Variants in TNS2 observed in about 807,000 individuals in gnomAD.
The protein encoded by TNS2 is tensin-2.
Under a neutral mutation model 155.7 loss-of-function variants are expected in TNS2, and 77 were observed. That is an observed-to-expected ratio of 0.49 (90% CI 0.41 to 0.60). The LOEUF (loss-of-function observed/expected upper bound fraction) is 0.60. Among genes scored for constraint, TNS2 ranks in the 20% least tolerant of loss-of-function variants. The probability of loss-of-function intolerance (pLI) is 0.00; values close to 1 mark genes in which losing one functional copy is unlikely to be tolerated. For missense variants in TNS2, 1,703 were observed against 1,868.8 expected, an observed-to-expected ratio of 0.91 and a Z score of 1.64; for synonymous variants, 726 against 763.9, an observed-to-expected ratio of 0.95 and a Z score of 0.82.
Position 53,060,924 on chromosome 12 carries a change from C to T in TNS2, c.3018C>T (p.Pro1006=). The change falls in exon 20 of 29, where the codon CCC becomes CCT. Residue 1006 remains proline, a synonymous_variant. Transcript: ENST00000314250. The surrounding 1 kb of genome is among the most constrained non-coding windows in gnomAD (Gnocchi z 6.1). The stretch of plus-strand genomic sequence containing the variant: ...GCGCCAGTCCTCGGAGCCCTGTGCC[C>T]ACCACACTTCCTGGCCTCCGCCACG... ...SDGASPRSPV[P]TTLPGLRHAP... is the part of the protein sequence containing the mutation. 1.3e-6 allele frequency: 2 copies of T among 1,596,918 alleles called. No homozygotes were observed. The highest frequency in any genetic ancestry group is 1.3e-5 in the African/African-American group (1 of 74,588).
chr12:53,053,942 A>G (rs376230805), intron 5 of TNS2, 23 bp from the exon 6 acceptor site: 45 of 1,614,058 alleles, frequency 2.8e-5, no homozygotes, highest in Non-Finnish European at 3.8e-5. Context: ...AGAGATGTCT[A>G]GACACTGTCT....
At position 53,061,187 on chromosome 12, in the gene TNS2, C is replaced by G. The variant is rs769823126; in HGVS notation, c.3281C>G (p.Ala1094Gly). ...QQPGPWGPEQ[A>G]SSPARGISHH... is the part of the protein sequence containing the mutation. ...CCAGGACCCTGGGGCCCAGAGCAGG[C>G]ATCATCGCCAGCCAGAGGCATCAGT... is the stretch of plus-strand genomic sequence containing the variant. The change falls in exon 20 of 29, where the codon GCA becomes GGA. Residue 1094 changes from alanine (A) to glycine (G), a missense_variant. Coordinates refer to ENST00000314250, the MANE Select transcript of TNS2 (RefSeq NM_170754.4). 6.3e-7 allele frequency: 1 copy of G among 1,589,314 alleles called. No individual in the cohort carries two copies. Among genetic ancestry groups the G allele is most frequent in the South Asian group, 1.1e-5 (1 of 87,020 alleles).
chr12:53,053,790 C>T lies in TNS2; in HGVS notation c.278C>T (p.Pro93Leu), dbSNP rs377103226. ...TCCCTCTAGCGGCGAAACACGGCCC[C>T]AGTCAGGCGCATAGAGCACCTGGTA... ...PPVELRRNTA[P>L]VRRIEHLGST... is the part of the protein sequence containing the mutation. The change falls in exon 5 of 29, where the codon CCA becomes CTA. Residue 93 changes from proline to leucine, a missense_variant. Pro to Leu is a moderately conservative substitution (Grantham distance 98, BLOSUM62 -3). Transcript: ENST00000314250. 75 of 1,611,592 alleles carry T rather than the reference C, an allele frequency of 4.7e-5. No homozygotes were observed. The highest frequency in any genetic ancestry group is 6.2e-5 in the Non-Finnish European group (73 of 1,179,230).
At chr12:53,053,587 A>G in intron 4 of TNS2, 138 bp downstream of exon 4, 1 of 1,386,600 alleles carries the variant, frequency 7.2e-7, no homozygotes, top group South Asian at 1.3e-5. Flanking sequence ...ATGAGGAAAG[A>G]AAAAACTGTC....
At position 53,053,440 on chromosome 12, in the gene TNS2, C is replaced by T. The variant is rs1189418585; in HGVS notation, c.252C>T (p.Pro84=). The change falls in exon 4 of 29, where the codon CCC becomes CCT. Residue 84 remains proline (P), a synonymous_variant. Transcript: ENST00000314250. ...KVTSACQALP[P]VELRRNTAPV... ...CTTCAGCCTGTCAGGCCTTGCCTCC[C>T]GTGGAGTTGGTGAGTGCGCTCTGGG... 8 of 1,613,988 alleles carry T rather than the reference C, an allele frequency of 5.0e-6. No individual in the cohort carries two copies. The highest frequency in any genetic ancestry group is 2.2e-5 in the East Asian group (1 of 44,864).
chr12:53,060,645 C>T lies in TNS2; in HGVS notation c.2769-30C>T. On this transcript the variant is annotated intron_variant, in intron 19 of 28. Coordinates refer to ENST00000314250, the MANE Select transcript of TNS2 (RefSeq NM_170754.4). The surrounding 1 kb of genome is among the most constrained non-coding windows in gnomAD (Gnocchi z 6.1). ...GGTGGGAGCAGCCACAATGGGGGCTCTGCTGACCATCTGCCCTTCCACCCT... is the reference window on the plus strand; with the variant it reads ...GGTGGGAGCAGCCACAATGGGGGCTTTGCTGACCATCTGCCCTTCCACCCT... 1.3e-6 allele frequency: 2 copies of T among 1,585,088 alleles called. No homozygotes were observed. The highest frequency in any genetic ancestry group is 1.7e-6 in the Non-Finnish European group (2 of 1,163,172).
chr12:53,060,323 A>C lies in TNS2; in HGVS notation c.2617+65A>C. 6.4e-7 allele frequency: 1 copy of C among 1,562,076 alleles called. No homozygotes were observed. Among genetic ancestry groups the C allele is most frequent in the Non-Finnish European group, 8.7e-7 (1 of 1,151,830 alleles). Reference sequence around the variant, plus strand: ...GGTTCTGGAAGATGGTGGGGAAGTCAAGGGGGAACAGGGTGAGAAACAGCT... The same window carrying C: ...GGTTCTGGAAGATGGTGGGGAAGTCCAGGGGGAACAGGGTGAGAAACAGCT... On this transcript the variant is annotated intron_variant, in intron 18 of 28. Coordinates refer to ENST00000314250, the MANE Select transcript of TNS2 (RefSeq NM_170754.4). This position sits in a 1 kb window ranked among gnomAD's most constrained non-coding sequence, Gnocchi z 6.1.
At chr12:53,058,998 C>G in intron 17 of TNS2, 49 bp from the exon 18 acceptor site, 2 of 1,539,358 alleles carry the variant, frequency 1.3e-6, no homozygotes, top group Non-Finnish European at 1.7e-6. Context: ...TTCTCTCTCC[C>G]TCCCTGTTCC....
Position 53,057,082 on chromosome 12 carries a change from G to A in TNS2, c.831G>A (p.Gln277=). ...AGGACAAGGTGGCCACAGAACTGCAGCCCTCCCAGCGTCGGTGAGCAGCCT... is the reference window on the plus strand; with the variant it reads ...AGGACAAGGTGGCCACAGAACTGCAACCCTCCCAGCGTCGGTGAGCAGCCT... The part of the protein sequence containing the change: ...FCEDKVATEL[Q]PSQRRYISYF... Residue 277 remains glutamine, a synonymous_variant, in exon 11 of 29, where the codon CAG becomes CAA. Coordinates refer to ENST00000314250, the MANE Select transcript of TNS2 (RefSeq NM_170754.4). 6.2e-7 allele frequency: 1 copy of A among 1,613,168 alleles called. No individual in the cohort carries two copies. The highest frequency in any genetic ancestry group is 1.3e-5 in the African/African-American group (1 of 75,034).
chr12:53,054,700 G>A (rs2121095422), intron 7 of TNS2, among the ~76,000 whole-genome samples: 1 of 151,934 alleles, frequency 6.6e-6, no homozygotes, highest in South Asian at 2.1e-4. Context: ...TTTGAGACGG[G>A]GTCTCACTTT....
Position 53,055,624 on chromosome 12 carries a change from C to T in TNS2, c.630C>T (p.Ser210=), listed in dbSNP as rs1295054114. 1 of 1,613,986 alleles carries T rather than the reference C, an allele frequency of 6.2e-7. No individual in the cohort carries two copies. The highest frequency in any genetic ancestry group is 8.5e-7 in the Non-Finnish European group (1 of 1,179,886). ...LHAPPLDKLC[S]ICKAMETWLS... is the part of the protein sequence containing the mutation. Reference sequence around the variant, plus strand: ...CTCCACCCCTGGACAAGCTGTGCTCCATCTGCAAAGCCATGGAGACATGGC... The same window carrying T: ...CTCCACCCCTGGACAAGCTGTGCTCTATCTGCAAAGCCATGGAGACATGGC... The change falls in exon 9 of 29, where the codon TCC becomes TCT. Residue 210 remains serine, a synonymous_variant. Transcript: ENST00000314250.
rs370152310 is a variant in TNS2 at position 53,058,158 on chromosome 12, T to C, written c.1095+56T>C. ...CTGGAGATGGGGCAGGGGTTGGTGG[T>C]GTAACGGCACAGTCACCAATTTGAG... On this transcript the variant is annotated intron_variant, in intron 14 of 28. Coordinates refer to ENST00000314250, the MANE Select transcript of TNS2 (RefSeq NM_170754.4). 212 of 1,612,546 alleles carry C rather than the reference T, an allele frequency of 1.3e-4. No individual in the cohort carries two copies. In the African/African-American group the frequency reaches 2.5e-3, roughly 19 times the overall value.
chr12:53,049,998 G>T (rs904968374), upstream of TNS2: 8 of 1,403,362 alleles, frequency 5.7e-6, no homozygotes, highest in African/African-American at 8.8e-5. Flanking sequence ...TCCTGGAGCA[G>T]CGACCTGCCC....
rs765520721 is a variant in TNS2, at chr12:53,059,595, T to C, written c.1954T>C (p.Tyr652His). 7.4e-6 allele frequency: 12 copies of C among 1,611,010 alleles called. No homozygotes were observed. The South Asian group carries it at 1.3e-4, about 18-fold the overall frequency. Residue 652 changes from tyrosine (Y) to histidine (H), a missense_variant, in exon 18 of 29, where the codon TAC becomes CAC. Transcript: ENST00000314250. The surrounding 1 kb of genome is among the most constrained non-coding windows in gnomAD (Gnocchi z 4.7). ...CTGCCGATCGCTGTCAGAGGGGCTATACCCCTACCCACCTGAGATGGGGAA... is the reference window on the plus strand; with the variant it reads ...CTGCCGATCGCTGTCAGAGGGGCTACACCCCTACCCACCTGAGATGGGGAA... ...RLCRSLSEGL[Y>H]PYPPEMGKPA... is the part of the protein sequence containing the mutation.
In TNS2 at chr12:53,059,424, C is replaced by T. The variant is rs749151205; in HGVS notation, c.1783C>T (p.Arg595Cys). Residue 595 changes from arginine to cysteine, a missense_variant, in exon 18 of 29, where the codon CGC becomes TGC. Coordinates refer to ENST00000314250, the MANE Select transcript of TNS2 (RefSeq NM_170754.4). The surrounding 1 kb of genome is among the most constrained non-coding windows in gnomAD (Gnocchi z 4.7). ...TGGCCTCAGCCGCCACTGCTCCTGCCGCCAGGGCTACCGGGAGCCCTGCGG... is the reference window on the plus strand; with the variant it reads ...TGGCCTCAGCCGCCACTGCTCCTGCTGCCAGGGCTACCGGGAGCCCTGCGG... ...RPGLSRHCSC[R>C]QGYREPCGVP... 38 of 1,482,980 alleles carry T rather than the reference C, an allele frequency of 2.6e-5. No individual in the cohort carries two copies. Among genetic ancestry groups the T allele is most frequent in the Non-Finnish European group, 3.3e-5 (37 of 1,118,966 alleles). The allele number at this position is 1,482,980 out of a possible 1,614,324, so 91.9% of individuals were successfully genotyped here. A position where few individuals can be genotyped will look rare whatever the true frequency, so the allele number is the denominator to read the frequency against.
chr12:53,051,092 C>T (rs1943914380), intron 1 of TNS2, among the ~76,000 whole-genome samples: 1 of 152,208 alleles, frequency 6.6e-6, no homozygotes, highest in South Asian at 2.1e-4. Flanking sequence ...TCCTGCCTCA[C>T]TGCATCTCTG....
chr12:53,058,460 A>T lies in TNS2; in HGVS notation c.1225+15A>T. ...GGCCTGGACTGGTGAGTCTGAGACA[A>T]GTGGCCTGGGGCTGGAGTCCAGGTG... On this transcript the variant is annotated intron_variant, in intron 15 of 28. Coordinates refer to ENST00000314250, the MANE Select transcript of TNS2 (RefSeq NM_170754.4). The T allele has an allele frequency of 6.2e-7, 1 of 1,614,142 alleles. No homozygotes were observed. Among genetic ancestry groups the T allele is most frequent in the Non-Finnish European group, 8.5e-7 (1 of 1,180,020 alleles).
intron 10 of TNS2, 168 bp downstream of exon 10, chr12:53,056,013 A>T: frequency 1.5e-6 from 1 of 689,360 alleles, no homozygotes; most frequent in Non-Finnish European, 2.4e-6. Context: ...AGTCTGCAGC[A>T]GATGGTCTGT....
At chr12:53,055,355 A>C in intron 8 of TNS2, 119 bp downstream of exon 8, 1 of 1,239,892 alleles carries the variant, frequency 8.1e-7, no homozygotes, top group Non-Finnish European at 1.1e-6. Context: ...GCACTTTCCC[A>C]CTCTCCCATG....
Sources: gnomAD v4.1 joint callset for allele counts (sites outside exome capture counted in the v4.1 genomes callset) on GRCh38, gnomAD v4.1.1 for gene constraint, Gnocchi (gnomAD v3.1) non-coding constraint, MANE v1.5 for transcripts, NCBI Gene and HGNC (gene_info 2026-07-23, HGNC 2026-07-21) for gene names.